Variants in PTPRD observed in about 807,000 individuals in gnomAD.
The protein encoded by PTPRD is protein tyrosine phosphatase receptor type D.
A neutral mutation model predicts 214.5 loss-of-function variants in PTPRD; 34 were observed. The observed-to-expected ratio is 0.16, with a 90% confidence interval of 0.12 to 0.21. PTPRD has a LOEUF of 0.21. Among genes scored for constraint, PTPRD ranks in the 10% least tolerant of loss-of-function variants. The pLI, the probability that PTPRD is intolerant of heterozygous loss-of-function variation, is 1.00. For synonymous variants in PTPRD, 1,128 were observed against 845.7 expected, an observed-to-expected ratio of 1.33 and a Z score of -5.79; for missense variants, 2,545 against 2,398.7, an observed-to-expected ratio of 1.06 and a Z score of -1.27.
At chr9:9,906,974 C>T (rs2077741511) in intron 5 of PTPRD, among the ~76,000 whole-genome samples, 1 of 151,834 alleles carries the variant, frequency 6.6e-6, no homozygotes, top group South Asian at 2.1e-4. Flanking sequence ...GCACCACTGC[C>T]AAAATTAAGA....
At chr9:8,317,989 CA>C in intron 45 of PTPRD, 47 bp from the exon 46 acceptor site, 2 of 1,495,202 alleles carry the variant, frequency 1.3e-6, no homozygotes, top group Non-Finnish European at 1.8e-6. Context: ...GGACCATGAG[CA>C]TATTTTAATA....
chr9:9,734,935 AT>A (rs2098267113), intron 6 of PTPRD, among the ~76,000 whole-genome samples: 1 of 152,032 alleles, frequency 6.6e-6, no homozygotes, highest in African/African-American at 2.4e-5. Flanking sequence ...TAATGTTTTT[AT>A]GGGAGAAGCA....
chr9:9,839,088 G>A (rs571343931), intron 5 of PTPRD, among the ~76,000 whole-genome samples: 145 of 152,176 alleles, frequency 9.5e-4, no homozygotes, highest in African/African-American at 3.1e-3. Context: ...GATATGCGGC[G>A]TTATTTTTGA....
intron 3 of PTPRD, among the ~76,000 whole-genome samples, chr9:10,186,289 A>G (rs914052259): frequency 6.6e-6 from 1 of 152,092 alleles, no homozygotes; most frequent in African/African-American, 2.4e-5. Context: ...TAATTTGTAA[A>G]TTTAAATTTA....
intron 2 of PTPRD, among the ~76,000 whole-genome samples, chr9:10,520,697 G>A (rs1268363901): frequency 6.6e-6 from 1 of 152,032 alleles, no homozygotes; most frequent in Non-Finnish European, 1.5e-5. Flanking sequence ...TAATGCAGCT[G>A]GTGACTTTAA....
chr9:10,575,081 G>A (rs2068772249), intron 2 of PTPRD, among the ~76,000 whole-genome samples: 3 of 151,818 alleles, frequency 2.0e-5, no homozygotes, highest in Admixed American at 2.0e-4. Context: ...TAGGCAGTAT[G>A]ACCAACATCC....
chr9:9,702,017 A>T (rs2097514587), intron 7 of PTPRD, among the ~76,000 whole-genome samples: 1 of 151,870 alleles, frequency 6.6e-6, no homozygotes, highest in East Asian at 1.9e-4. Flanking sequence ...TACTAGGGGT[A>T]GCTGAGGCAG....
At chr9:8,739,885 A>C (rs2091476746) in intron 11 of PTPRD, among the ~76,000 whole-genome samples, 2 of 152,136 alleles carry the variant, frequency 1.3e-5, no homozygotes, top group African/African-American at 4.8e-5. Context: ...GTTTCCGGGC[A>C]CAAGCTCTTT....
chr9:9,691,880 GTTAAACA>G (rs1327720178), intron 7 of PTPRD, among the ~76,000 whole-genome samples: 1 of 151,978 alleles, frequency 6.6e-6, no homozygotes, highest in African/African-American at 2.4e-5. Context: ...GATCAATGAT[GTTAAACA>G]TTTTTTATAT....
rs773885295 is a variant in PTPRD, at chr9:8,336,626, A to G, written c.5379+2296T>C. ...TAATTAAACTAAAGAGCTTCTGCAG[A>G]GCAAAAAAAAAAAAAAAAAACTACC... On this transcript the variant is annotated intron_variant, in intron 43 of 45. Coordinates refer to ENST00000381196, the MANE Select transcript of PTPRD (RefSeq NM_002839.4). 2.6e-3 allele frequency among the ~76,000 whole-genome samples: 285 copies of G among 109,386 alleles called. 6 individuals carry two copies. Among genetic ancestry groups the G allele is most frequent in the Non-Finnish European group, 2.8e-3 (137 of 49,176 alleles). 71.8% of individuals were successfully genotyped at this position (109,386 alleles called of 152,430 possible).
At chr9:9,097,402 CT>C (rs200629393) in intron 10 of PTPRD, among the ~76,000 whole-genome samples, 355 of 143,338 alleles carry the variant, frequency 2.5e-3, no homozygotes, top group African/African-American at 4.4e-3. Flanking sequence ...CACCATGGCT[CT>C]TTTTTTTTTT....
At chr9:9,419,814 T>G (rs190145229) in intron 8 of PTPRD, among the ~76,000 whole-genome samples, 100 of 151,912 alleles carry the variant, frequency 6.6e-4, no homozygotes, top group African/African-American at 2.3e-3. Context: ...ATTAGACTTT[T>G]GTATGTAAAC....
intron 2 of PTPRD, among the ~76,000 whole-genome samples, chr9:10,598,672 G>C (rs2077169340): frequency 1.5e-5 from 1 of 68,126 alleles, no homozygotes; most frequent in Non-Finnish European, 2.9e-5. Context: ...TTTTATATAT[G>C]TATGTGTGTG....
At chr9:8,416,775 G>C (rs1276007045) in intron 35 of PTPRD, among the ~76,000 whole-genome samples, 1 of 152,076 alleles carries the variant, frequency 6.6e-6, no homozygotes, top group Non-Finnish European at 1.5e-5. Context: ...ATGAGGGGTG[G>C]ATTATCACTA....
chr9:10,289,815 G>C (rs573191017), intron 3 of PTPRD, among the ~76,000 whole-genome samples: 1 of 152,196 alleles, frequency 6.6e-6, no homozygotes, highest in East Asian at 1.9e-4. Context: ...ATGTATACAA[G>C]AAATTGTAAT....
chr9:8,399,428 C>CAAAG (rs1203414910), intron 36 of PTPRD, among the ~76,000 whole-genome samples: 2 of 152,074 alleles, frequency 1.3e-5, no homozygotes, highest in African/African-American at 4.8e-5. Context: ...CCAGCTTCCC[C>CAAAG]AAAGAGTGAA....
At chr9:9,636,484 TGATATA>T (rs2095771815) in intron 7 of PTPRD, among the ~76,000 whole-genome samples, 1 of 151,916 alleles carries the variant, frequency 6.6e-6, no homozygotes, top group Admixed American at 6.5e-5. Flanking sequence ...ATATAGATAT[TGATATA>T]GATATACACA....
intron 2 of PTPRD, among the ~76,000 whole-genome samples, chr9:10,592,414 G>GA (rs1366208527): frequency 1.2e-4 from 18 of 151,984 alleles, no homozygotes; most frequent in Non-Finnish European, 1.6e-4. Context: ...GTGAAGAGGG[G>GA]AAAAAATTGT....
chr9:8,375,912 T>A lies in PTPRD; in HGVS notation c.4661+24A>T, dbSNP rs545912999. ...TCAATTTAGCTTTCTGTTTCCTGAC[T>A]GCAAGTGAACAAACGCTTCTTACCT... On this transcript the variant is annotated intron_variant, in intron 39 of 45. Coordinates refer to ENST00000381196, the MANE Select transcript of PTPRD (RefSeq NM_002839.4). The A allele has an allele frequency of 3.1e-6, 5 of 1,599,660 alleles. No individual in the cohort carries two copies. In the Admixed American group the frequency reaches 8.7e-5, roughly 28 times the overall value.
Sources: allele counts gnomAD v4.1 joint callset (sites outside exome capture counted in the v4.1 genomes callset), GRCh38; gene constraint gnomAD v4.1.1; transcripts MANE v1.5; gene names NCBI Gene and HGNC (gene_info 2026-07-23, HGNC 2026-07-21).